NARS2: variants seen among roughly 807,000 people sequenced by gnomAD.
NARS2 encodes asparaginyl-tRNA synthetase.
In NARS2, 60 loss-of-function variants were observed where a neutral mutation model predicts 62.9. The ratio of observed to expected loss-of-function variants is 0.95; its 90% CI spans 0.77 to 1.18. NARS2 has a LOEUF of 1.18. Ranked by LOEUF, NARS2 falls within the 50% of genes most tolerant of loss-of-function variation. The probability of loss-of-function intolerance (pLI) is 0.00; values close to 1 mark genes in which losing one functional copy is unlikely to be tolerated. For synonymous variants in NARS2, 196 were observed against 200.0 expected (o/e 0.98, Z 0.17); for missense variants, 619 against 576.4 (o/e 1.07, Z -0.76).
intron 11 of NARS2, among the ~76,000 whole-genome samples, chr11:78,457,172 C>T (rs1858196095): frequency 6.6e-6 from 1 of 152,214 alleles, no homozygotes; most frequent in Non-Finnish European, 1.5e-5. Flanking sequence ...CGCATACCTT[C>T]ATTTCTACTG....
At chr11:78,572,906 T>C (rs1338951128) in intron 1 of NARS2, among the ~76,000 whole-genome samples, 1 of 152,198 alleles carries the variant, frequency 6.6e-6, no homozygotes, top group Non-Finnish European at 1.5e-5. Flanking sequence ...CACATCTCAA[T>C]TTGGACCAGA....
rs1856925878 is a variant in NARS2 at position 78,571,610 on chromosome 11, C to T, written c.142-166G>A. 8.8e-6 allele frequency: 5 copies of T among 567,366 alleles called. No individual in the cohort carries two copies. The South Asian group carries it at 1.1e-4, about 13-fold the overall frequency. 35.1% of individuals were successfully genotyped at this position (567,366 alleles called of 1,614,324 possible). ...CATACTTAATTTTATATGTTCCAAT[C>T]ACAATAGGATACACACTTTGGTATT... On this transcript the variant is annotated intron_variant, in intron 1 of 13. Transcript: ENST00000281038.
chr11:78,567,883 A>T (rs1183225145), intron 3 of NARS2, among the ~76,000 whole-genome samples: 90 of 152,218 alleles, frequency 5.9e-4, no homozygotes, highest in Admixed American at 5.8e-3. Flanking sequence ...CAGCTGTGCC[A>T]CATCAGCTCA....
chr11:78,540,394 C>T (rs545509631), intron 5 of NARS2, among the ~76,000 whole-genome samples: 2 of 152,278 alleles, frequency 1.3e-5, no homozygotes, highest in South Asian at 2.1e-4. Context: ...CACACAAGTC[C>T]GACTCTGTCT....
At chr11:78,445,709 G>A (rs994831601) in intron 11 of NARS2, among the ~76,000 whole-genome samples, 6 of 152,114 alleles carry the variant, frequency 3.9e-5, no homozygotes, top group African/African-American at 1.4e-4. Flanking sequence ...TGGCTACTTG[G>A]GAAGCTGAGG....
intron 8 of NARS2, 24 bp downstream of exon 8, chr11:78,478,561 G>C (rs374752179): frequency 4.1e-6 from 6 of 1,467,088 alleles, no homozygotes; most frequent in African/African-American, 1.4e-5. Context: ...AGATGTATTG[G>C]GCTTTATCCA....
intron 6 of NARS2, among the ~76,000 whole-genome samples, chr11:78,494,370 G>T (rs902316187): frequency 1.3e-5 from 2 of 151,926 alleles, no homozygotes; most frequent in African/African-American, 4.8e-5. Flanking sequence ...CCTTGATCCT[G>T]AGCACACCTA....
Position 78,468,594 on chromosome 11 carries a change from C to T in NARS2, c.1026+653G>A, listed in dbSNP as rs1208596870. ...TAATTTTTTGTATTTTTAGTAGAGACGGGGTTTCACCATGTTAGCCAGGAT... is the reference window on the plus strand; with the variant it reads ...TAATTTTTTGTATTTTTAGTAGAGATGGGGTTTCACCATGTTAGCCAGGAT... On this transcript the variant is annotated intron_variant, in intron 10 of 13. Transcript: ENST00000281038. Among the ~76,000 whole-genome samples, 8 of 151,358 alleles carry T rather than the reference C, an allele frequency of 5.3e-5. No individual in the cohort carries two copies. The South Asian group carries it at 1.3e-3, about 24-fold the overall frequency.
chr11:78,504,177 G>A (rs535057032), intron 6 of NARS2, among the ~76,000 whole-genome samples: 2 of 152,270 alleles, frequency 1.3e-5, no homozygotes, highest in East Asian at 1.9e-4. Context: ...ACACCATATT[G>A]TCCTAAAGGA....
intron 5 of NARS2, among the ~76,000 whole-genome samples, chr11:78,552,378 T>C (rs1856160718): frequency 6.6e-6 from 1 of 152,218 alleles, no homozygotes; most frequent in African/African-American, 2.4e-5. Flanking sequence ...CATATTTTCT[T>C]TATCCAGTCT....
intron 11 of NARS2, among the ~76,000 whole-genome samples, chr11:78,446,778 C>G (rs1857775603): frequency 6.6e-6 from 1 of 152,052 alleles, no homozygotes; most frequent in Admixed American, 6.5e-5. Flanking sequence ...TGACATTAGT[C>G]TGGGCAATGA....
intron 3 of NARS2, among the ~76,000 whole-genome samples, chr11:78,567,825 C>T (rs952368753): frequency 1.3e-5 from 2 of 152,132 alleles, no homozygotes; most frequent in Non-Finnish European, 2.9e-5. Flanking sequence ...TATTTGAAGA[C>T]AGGTGTAGCA....
chr11:78,527,259 T>C (rs1257022545), intron 6 of NARS2, among the ~76,000 whole-genome samples: 3 of 152,210 alleles, frequency 2.0e-5, no homozygotes, highest in African/African-American at 7.2e-5. Flanking sequence ...TTTTACTTGT[T>C]TCCTCTGTAA....
In NARS2 at chr11:78,493,215, G is replaced by C. The variant is rs1295697550; in HGVS notation, c.690-20C>G. 6 of 1,602,128 alleles carry C rather than the reference G, an allele frequency of 3.7e-6. No homozygotes were observed. Among genetic ancestry groups the C allele is most frequent in the Non-Finnish European group, 5.1e-6 (6 of 1,176,130 alleles). ...AAAGCTCTGCAATTCAAGATTAAGA[G>C]AATGCAAATAGAATTCACATGATTA... On this transcript the variant is annotated intron_variant, in intron 6 of 13. Coordinates refer to ENST00000281038, the MANE Select transcript of NARS2 (RefSeq NM_024678.6).
At chr11:78,548,278 G>C (rs769831441) in intron 5 of NARS2, among the ~76,000 whole-genome samples, 4 of 152,190 alleles carry the variant, frequency 2.6e-5, no homozygotes, top group African/African-American at 9.7e-5. Context: ...GTTGGAACAA[G>C]GGAGGTATTA....
chr11:78,503,395 G>A (rs569543306), intron 6 of NARS2, among the ~76,000 whole-genome samples: 44 of 152,114 alleles, frequency 2.9e-4, no homozygotes, highest in South Asian at 6.2e-4. Context: ...GTGCCACCAC[G>A]CCCAGCTAAT....
chr11:78,466,639 C>T (rs1157713216), intron 10 of NARS2, among the ~76,000 whole-genome samples: 2 of 152,058 alleles, frequency 1.3e-5, no homozygotes, highest in Admixed American at 1.3e-4. Flanking sequence ...CGCCACCATG[C>T]CCGGCTATTT....
At chr11:78,521,566 G>A (rs1447932379) in intron 6 of NARS2, among the ~76,000 whole-genome samples, 5 of 152,094 alleles carry the variant, frequency 3.3e-5, no homozygotes, top group South Asian at 2.1e-4. Context: ...CGAGGCGAGC[G>A]GATCACGAGG....
At chr11:78,545,524 C>CAT (rs1273142978) in intron 5 of NARS2, among the ~76,000 whole-genome samples, 3 of 134,860 alleles carry the variant, frequency 2.2e-5, no homozygotes, top group African/African-American at 8.5e-5. Flanking sequence ...ATGCTTTTTC[C>CAT]TTTTTTTTTT....
Sources: gnomAD v4.1 joint callset for allele counts (sites outside exome capture counted in the v4.1 genomes callset) on GRCh38, gnomAD v4.1.1 for gene constraint, MANE v1.5 for transcripts, NCBI Gene and HGNC (gene_info 2026-07-23, HGNC 2026-07-21) for gene names.